Variants in TPRA1 observed in about 807,000 individuals in gnomAD.
TPRA1 encodes the protein transmembrane protein adipocyte-associated 1.
In TPRA1, 28 loss-of-function variants were observed where a neutral mutation model predicts 40.1. The observed-to-expected ratio is 0.70, with a 90% CI of 0.52 to 0.96. The LOEUF is 0.96. Among genes scored for constraint, TPRA1 ranks in the 40% least tolerant of loss-of-function variants. The pLI, the probability that TPRA1 is intolerant of heterozygous loss-of-function variation, is 0.00. For missense variants in TPRA1, 441 were observed against 482.6 expected, an observed-to-expected ratio of 0.91 and a Z score of 0.81; for synonymous variants, 219 against 209.7, an observed-to-expected ratio of 1.04 and a Z score of -0.38.
intron 1 of TPRA1, among the ~76,000 whole-genome samples, chr3:127,583,736 T>A (rs1300569103): frequency 6.6e-6 from 1 of 151,802 alleles, no homozygotes; most frequent in Non-Finnish European, 1.5e-5. Context: ...AGTGGCGTGA[T>A]CTCGGCTCAT....
At chr3:127,595,182 C>G (rs188578873), upstream of TPRA1, among the ~76,000 whole-genome samples, 2 of 152,384 alleles carry the variant, frequency 1.3e-5, no homozygotes, top group Admixed American at 6.5e-5. Flanking sequence ...TACCAGAAGG[C>G]AAGGGCCATC....
At chr3:127,573,842 C>T (rs2073470477) in intron 10 of TPRA1, 54 bp from the exon 11 acceptor site, 4 of 1,513,334 alleles carry the variant, frequency 2.6e-6, no homozygotes, top group African/African-American at 1.4e-5. Context: ...TCAGGAAGAG[C>T]CTTCCTCTCC....
chr3:127,590,016 C>T (rs2074120490), intron 1 of TPRA1, among the ~76,000 whole-genome samples: 2 of 152,362 alleles, frequency 1.3e-5, no homozygotes, highest in African/African-American at 4.8e-5. Flanking sequence ...CGGCGGCAGG[C>T]TTGGCTCAGG....
At position 127,580,119 on chromosome 3, in the gene TPRA1, C is replaced by G; in HGVS notation, c.28G>C (p.Ala10Pro). 1 of 1,613,482 alleles carries G rather than the reference C, an allele frequency of 6.2e-7. No individual in the cohort carries two copies. Residue 10 changes from alanine (A) to proline (P), a missense_variant, in exon 2 of 11, where the codon GCC (alanine) becomes CCC (proline). Ala to Pro is a conservative substitution (Grantham distance 27, BLOSUM62 -1). Coordinates refer to ENST00000355552, the MANE Select transcript of TPRA1 (RefSeq NM_001136053.4). Reference sequence around the variant, plus strand: ...GGGGGTAGCGCTGTGCTCCCATTGGCCCAAGTCACCTCCTCCAGGGTGTCC... The same window carrying G: ...GGGGGTAGCGCTGTGCTCCCATTGGGCCAAGTCACCTCCTCCAGGGTGTCC... MDTLEEVTW[A>P]NGSTALPPPL...
chr3:127,583,121 G>A (rs1179889955), intron 1 of TPRA1, among the ~76,000 whole-genome samples: 1 of 149,518 alleles, frequency 6.7e-6, no homozygotes, highest in Non-Finnish European at 1.5e-5. Context: ...TCTCCAGCTT[G>A]GGCAACACAG....
chr3:127,586,011 T>C (rs1390789164), intron 1 of TPRA1, among the ~76,000 whole-genome samples: 1 of 152,222 alleles, frequency 6.6e-6, no homozygotes, highest in Non-Finnish European at 1.5e-5. Flanking sequence ...TGTCTTCCCC[T>C]ACAGCTAGCA....
rs756719547 is a variant in TPRA1 at position 127,576,857 on chromosome 3, T to C, written c.382A>G (p.Ile128Val). Reference protein sequence around the residue: ...WEITRFFLLAIELSVIILGLA... With the variant: ...WEITRFFLLAVELSVIILGLA... The stretch of plus-strand genomic sequence containing the variant: ...CCCAGGATGATCACACTCAGCTCGA[T>C]GGCCAGCAGGAAGAAGCGGGTGATC... The change falls in exon 5 of 11, where the codon ATC (isoleucine) becomes GTC (valine). Residue 128 changes from isoleucine (I) to valine (V), a missense_variant. Ile to Val is a conservative substitution (Grantham distance 29). Coordinates refer to ENST00000355552, the MANE Select transcript of TPRA1 (RefSeq NM_001136053.4). The surrounding 1 kb of genome is among the most constrained non-coding windows in gnomAD (Gnocchi z 4.6). 3.2e-5 allele frequency: 52 copies of C among 1,613,700 alleles called. No individual in the cohort carries two copies. Among genetic ancestry groups the C allele is most frequent in the Non-Finnish European group, 1.1e-5 (13 of 1,179,996 alleles).
chr3:127,574,836 G>A (rs1239948639), intron 10 of TPRA1: 1 of 370,374 alleles, frequency 2.7e-6, no homozygotes, highest in South Asian at 2.5e-5. Context: ...TATATGTTGA[G>A]CACGTGTTCA....
At chr3:127,582,960 A>G (rs941982291) in intron 1 of TPRA1, among the ~76,000 whole-genome samples, 3 of 152,150 alleles carry the variant, frequency 2.0e-5, no homozygotes, top group African/African-American at 4.8e-5. Flanking sequence ...CCTGACCAAC[A>G]TGGAAAAACC....
chr3:127,573,646 A>G lies in TPRA1; in HGVS notation c.997T>C (p.Tyr333His), dbSNP rs2073457562. The change falls in exon 11 of 11, where the codon TAC becomes CAC. Residue 333 changes from tyrosine to histidine, a missense_variant. Transcript: ENST00000355552. ...GCAGAGTCGAACTGCGTGCTCGAGTAGCTGGCAGCTGAGGCCCCAGCAGCC... is the reference window on the plus strand; with the variant it reads ...GCAGAGTCGAACTGCGTGCTCGAGTGGCTGGCAGCTGAGGCCCCAGCAGCC... ...AGAAGASAAS[Y>H]SSTQFDSAGG... The G allele has an allele frequency of 6.2e-7, 1 of 1,613,396 alleles. No homozygotes were observed. Among genetic ancestry groups the G allele is most frequent in the Non-Finnish European group, 8.5e-7 (1 of 1,179,970 alleles).
rs532461196 is a variant in TPRA1, at chr3:127,571,806, C to T, written c.*1715G>A. 3 of 152,114 alleles carry T rather than the reference C, an allele frequency of 2.0e-5. No homozygotes were observed. The highest frequency in any genetic ancestry group is 7.2e-5 in the African/African-American group (3 of 41,512). The allele number at this position is 152,114 out of a possible 1,614,324, so 9.4% of individuals were successfully genotyped here. A position where few individuals can be genotyped will look rare whatever the true frequency, so the allele number is the denominator to read the frequency against. ...GAACCTTTTTTTTTCTTGCCATGTACATATATGACCTATTTTTAAAAAACA... is the reference window on the plus strand; with the variant it reads ...GAACCTTTTTTTTTCTTGCCATGTATATATATGACCTATTTTTAAAAAACA... On this transcript the variant is annotated 3_prime_UTR_variant, in exon 11 of 11. Coordinates refer to ENST00000355552, the MANE Select transcript of TPRA1 (RefSeq NM_001136053.4).
At chr3:127,579,557 T>A (rs554657556) in intron 3 of TPRA1, among the ~76,000 whole-genome samples, 183 bp downstream of exon 3, 3 of 152,312 alleles carry the variant, frequency 2.0e-5, no homozygotes, top group African/African-American at 4.8e-5. Flanking sequence ...TGACACCATA[T>A]GAGGGGAACT....
chr3:127,594,026 G>C (rs887152246), upstream of TPRA1, among the ~76,000 whole-genome samples: 4 of 152,246 alleles, frequency 2.6e-5, no homozygotes. Context: ...CAATGACAAT[G>C]TGCTAATCAG....
At chr3:127,579,901 C>G (rs762481943) in intron 2 of TPRA1, 29 bp from the exon 3 acceptor site, 1 of 1,611,742 alleles carries the variant, frequency 6.2e-7, no homozygotes, top group Non-Finnish European at 8.5e-7. Context: ...AGCTGGCTCA[C>G]TGGCGAGGCC....
intron 1 of TPRA1, among the ~76,000 whole-genome samples, chr3:127,586,817 C>T (rs2074015823): frequency 6.6e-6 from 1 of 152,184 alleles, no homozygotes; most frequent in Non-Finnish European, 1.5e-5. Flanking sequence ...AGCTGAGAGG[C>T]CCCTTGAGGC....
chr3:127,591,066 G>C (rs1274920086), upstream of TPRA1: 1 of 152,214 alleles, frequency 6.6e-6, no homozygotes, highest in African/African-American at 2.4e-5. Flanking sequence ...GGCGGCAGCC[G>C]CGCTCCACCT....
At chr3:127,597,775 A>G (rs1285114603) in intron 1 of TPRA1, among the ~76,000 whole-genome samples, 1 of 151,856 alleles carries the variant, frequency 6.6e-6, no homozygotes, top group African/African-American at 2.4e-5. Context: ...TAAGACGGTA[A>G]GAAGCGTCAG....
intron 9 of TPRA1, 44 bp from the exon 10 acceptor site, chr3:127,575,309 T>TGACTCCACACCTCCCCATGCC (rs1276244194): frequency 6.2e-7 from 1 of 1,601,030 alleles, no homozygotes; most frequent in Non-Finnish European, 8.5e-7. Flanking sequence ...AGCCCCATGC[T>TGACTCCACACCTCCCCATGCC]GACTCCACAC....
chr3:127,575,325 C>G (rs774352531), intron 9 of TPRA1, 60 bp from the exon 10 acceptor site: 1 of 1,588,202 alleles, frequency 6.3e-7, no homozygotes, highest in Non-Finnish European at 8.6e-7. Context: ...CACACCTCCC[C>G]ATGCCCCCAG....
Sources: allele counts gnomAD v4.1 joint callset (sites outside exome capture counted in the v4.1 genomes callset), GRCh38; gene constraint gnomAD v4.1.1; non-coding constraint Gnocchi (gnomAD v3.1); transcripts MANE v1.5; gene names NCBI Gene and HGNC (gene_info 2026-07-23, HGNC 2026-07-21).